Variants in MACROD2 observed in about 807,000 individuals in gnomAD.
The protein encoded by MACROD2 is ADP-ribose glycohydrolase MACROD2.
MACROD2 carries 36 observed loss-of-function variants against 70.4 expected under a neutral mutation model. That is an observed-to-expected ratio of 0.51 (90% confidence interval 0.39 to 0.68). The LOEUF is 0.68. MACROD2 is among the 30% of genes least tolerant of loss of function. The pLI, the probability that MACROD2 is intolerant of heterozygous loss-of-function variation, is 0.00. For synonymous variants in MACROD2, 172 were observed against 178.8 expected (o/e 0.96, Z 0.30); for missense variants, 496 against 538.4 (o/e 0.92, Z 0.78).
chr20:14,223,028 T>C (rs1374976614), intron 3 of MACROD2: 2 of 152,158 alleles, frequency 1.3e-5, no homozygotes, highest in Non-Finnish European at 2.9e-5. Flanking sequence ...ACATAAGGAA[T>C]TGAGGAGAGT....
At chr20:15,138,840 A>G (rs1024407758) in intron 5 of MACROD2, among the ~76,000 whole-genome samples, 6 of 152,202 alleles carry the variant, frequency 3.9e-5, no homozygotes, top group Admixed American at 6.6e-5. Context: ...TTCAGTTTCT[A>G]TCACACTTGA....
At chr20:15,870,620 A>G (rs1343769375) in intron 9 of MACROD2, among the ~76,000 whole-genome samples, 2 of 152,058 alleles carry the variant, frequency 1.3e-5, no homozygotes, top group African/African-American at 4.8e-5. Flanking sequence ...GTCTTCCACC[A>G]TGTGATGATG....
At chr20:15,843,206 A>G (rs1331096425) in intron 8 of MACROD2, among the ~76,000 whole-genome samples, 2 of 152,308 alleles carry the variant, frequency 1.3e-5, no homozygotes, top group Admixed American at 6.5e-5. Context: ...TTGTTATTAT[A>G]TGCATTTATC....
chr20:16,018,281 C>T (rs912759648), intron 15 of MACROD2, among the ~76,000 whole-genome samples: 13 of 152,038 alleles, frequency 8.6e-5, no homozygotes, highest in African/African-American at 3.1e-4. Flanking sequence ...CATTTCAGAA[C>T]AATGCCAACC....
At chr20:15,871,943 T>A (rs1286958893) in intron 9 of MACROD2, among the ~76,000 whole-genome samples, 1 of 152,166 alleles carries the variant, frequency 6.6e-6, no homozygotes, top group African/African-American at 2.4e-5. Context: ...ACAACACCCA[T>A]GCCATGGATT....
intron 5 of MACROD2, among the ~76,000 whole-genome samples, chr20:14,706,049 C>A (rs1385851745): frequency 2.0e-5 from 3 of 152,074 alleles, no homozygotes; most frequent in African/African-American, 7.2e-5. Flanking sequence ...GGTGCAGTAG[C>A]ACATGCCTGT....
At chr20:16,040,048 A>G (rs2067288101) in intron 15 of MACROD2, among the ~76,000 whole-genome samples, 1 of 151,850 alleles carries the variant, frequency 6.6e-6, no homozygotes, top group Non-Finnish European at 1.5e-5. Flanking sequence ...TTGATATCTC[A>G]CATAAATGCC....
chr20:15,731,807 G>C (rs2050947365), intron 8 of MACROD2, among the ~76,000 whole-genome samples: 1 of 53,640 alleles, frequency 1.9e-5, no homozygotes, highest in African/African-American at 5.3e-5. Flanking sequence ...CCAGGCTGGA[G>C]TGCAATAGCG....
At chr20:15,658,230 T>C (rs1236962028) in intron 8 of MACROD2, among the ~76,000 whole-genome samples, 1 of 151,696 alleles carries the variant, frequency 6.6e-6, no homozygotes, top group African/African-American at 2.4e-5. Flanking sequence ...TCTCTCTTTT[T>C]TTTTTTTTTT....
intron 3 of MACROD2, among the ~76,000 whole-genome samples, chr20:14,456,909 G>T (rs1432637945): frequency 6.6e-6 from 1 of 151,704 alleles, no homozygotes; most frequent in Non-Finnish European, 1.5e-5. Flanking sequence ...AGTAGAGACG[G>T]GGTTTCACCG....
At chr20:15,811,051 C>T (rs1255898091) in intron 8 of MACROD2, among the ~76,000 whole-genome samples, 2 of 150,660 alleles carry the variant, frequency 1.3e-5, no homozygotes, top group African/African-American at 4.9e-5. Flanking sequence ...TCTAAAACAC[C>T]AAAAGCAATG....
intron 5 of MACROD2, among the ~76,000 whole-genome samples, chr20:14,751,320 T>A (rs1423170091): frequency 1.3e-5 from 2 of 151,932 alleles, no homozygotes; most frequent in African/African-American, 2.4e-5. Flanking sequence ...CCTCCCTTTT[T>A]TTTTTGATCT....
In MACROD2 at chr20:15,729,461, T is replaced by C. The variant is rs114459826; in HGVS notation, c.646-133284T>C. 4.5e-3 allele frequency among the ~76,000 whole-genome samples: 691 copies of C among 152,276 alleles called. 4 individuals carry two copies. The highest frequency in any genetic ancestry group is 0.013 in the African/African-American group (552 of 41,544). On this transcript the variant is annotated intron_variant, in intron 8 of 17. Coordinates refer to ENST00000684519, the MANE Select transcript of MACROD2 (RefSeq NM_001351661.2). ...CTTTGTTAGTTTTTTGCGTCAGTGATCTGTCTAATAATGTCAGTGGGGTGT... is the reference window on the plus strand; with the variant it reads ...CTTTGTTAGTTTTTTGCGTCAGTGACCTGTCTAATAATGTCAGTGGGGTGT...
chr20:14,760,602 A>G (rs1322904159), intron 5 of MACROD2, among the ~76,000 whole-genome samples: 1 of 152,000 alleles, frequency 6.6e-6, no homozygotes, highest in African/African-American at 2.4e-5. Flanking sequence ...TCCATTTAGG[A>G]CCTTGTTCCC....
chr20:14,597,255 G>T (rs1409024329), intron 4 of MACROD2, among the ~76,000 whole-genome samples: 1 of 152,058 alleles, frequency 6.6e-6, no homozygotes, highest in Non-Finnish European at 1.5e-5. Context: ...TTTCATTACT[G>T]TATAAATAAA....
intron 5 of MACROD2, among the ~76,000 whole-genome samples, chr20:14,853,027 C>T (rs1687240862): frequency 6.6e-6 from 1 of 151,858 alleles, no homozygotes; most frequent in South Asian, 2.1e-4. Flanking sequence ...GGTGAAGGGC[C>T]TGGTCATAGA....
chr20:15,594,809 A>T (rs1169779952), intron 8 of MACROD2, among the ~76,000 whole-genome samples: 2 of 152,132 alleles, frequency 1.3e-5, no homozygotes, highest in Admixed American at 6.5e-5. Flanking sequence ...TAAGTTTATA[A>T]TTTTACTTTT....
chr20:14,436,759 T>C (rs990595016), intron 3 of MACROD2, among the ~76,000 whole-genome samples: 3 of 152,222 alleles, frequency 2.0e-5, no homozygotes, highest in African/African-American at 4.8e-5. Flanking sequence ...ATTGGGTTCT[T>C]CTTTGCCAAT....
chr20:15,179,843 A>T (rs1178561833), intron 5 of MACROD2, among the ~76,000 whole-genome samples: 7 of 152,218 alleles, frequency 4.6e-5, no homozygotes, highest in Admixed American at 4.6e-4. Context: ...CCCAAATTGC[A>T]TCTCTGCGTT....
Sources: gnomAD v4.1 joint callset for allele counts (sites outside exome capture counted in the v4.1 genomes callset) on GRCh38, gnomAD v4.1.1 for gene constraint, MANE v1.5 for transcripts, NCBI Gene and HGNC (gene_info 2026-07-23, HGNC 2026-07-21) for gene names.